TAFA1: variants seen among roughly 807,000 people sequenced by gnomAD.
The protein encoded by TAFA1 is TAFA chemokine like family member 1.
A neutral mutation model predicts 18.5 loss-of-function variants in TAFA1; 4 were observed. The ratio of observed to expected loss-of-function variants is 0.22; its 90% CI spans 0.11 to 0.49. The LOEUF is 0.49. Ranked by LOEUF, TAFA1 falls within the 20% of genes least tolerant of loss-of-function variation. The probability of loss-of-function intolerance (pLI) is 0.98; values close to 1 mark genes in which losing one functional copy is unlikely to be tolerated. For synonymous variants in TAFA1, 56 were observed against 55.2 expected, an observed-to-expected ratio of 1.01 and a Z score of -0.06; for missense variants, 147 against 169.0, an observed-to-expected ratio of 0.87 and a Z score of 0.72.
chr3:68,326,988 T>C (rs1342366706), intron 2 of TAFA1, among the ~76,000 whole-genome samples: 4 of 152,184 alleles, frequency 2.6e-5, no homozygotes, highest in African/African-American at 4.8e-5. Context: ...TCCAAGTTGT[T>C]ATGGGAGGGA....
At chr3:68,099,582 G>C (rs1409857460) in intron 2 of TAFA1, among the ~76,000 whole-genome samples, 6 of 152,228 alleles carry the variant, frequency 3.9e-5, no homozygotes, top group Admixed American at 2.6e-4. Context: ...GTGGAATGCT[G>C]TTTGGCAATT....
chr3:68,381,667 T>G (rs1318061386), intron 2 of TAFA1, among the ~76,000 whole-genome samples: 15 of 152,328 alleles, frequency 9.8e-5, no homozygotes, highest in Admixed American at 8.5e-4. Context: ...AAGGAGATTT[T>G]GGGCTGAGAA....
At chr3:68,033,693 A>ATGC (rs1559710691) in intron 2 of TAFA1, among the ~76,000 whole-genome samples, 1 of 152,224 alleles carries the variant, frequency 6.6e-6, no homozygotes, top group Non-Finnish European at 1.5e-5. Flanking sequence ...CATATGAAGT[A>ATGC]TTTTTTAAAG....
intron 3 of TAFA1, among the ~76,000 whole-genome samples, chr3:68,516,185 C>T (rs2072918005): frequency 6.6e-6 from 1 of 152,194 alleles, no homozygotes; most frequent in African/African-American, 2.4e-5. Flanking sequence ...CTCATCCCAA[C>T]CCATCTTGAT....
At chr3:68,348,093 A>G (rs936834899) in intron 2 of TAFA1, among the ~76,000 whole-genome samples, 1 of 152,126 alleles carries the variant, frequency 6.6e-6, no homozygotes, top group Non-Finnish European at 1.5e-5. Flanking sequence ...TCAAGGGGTT[A>G]TTGAAAAGGT....
intron 2 of TAFA1, among the ~76,000 whole-genome samples, chr3:68,045,483 G>T (rs1371184084): frequency 6.6e-6 from 1 of 152,162 alleles, no homozygotes; most frequent in Admixed American, 6.6e-5. Context: ...GTCAGGAAAT[G>T]TGGGCTCTTC....
At chr3:68,426,246 A>G (rs960696959) in intron 3 of TAFA1, among the ~76,000 whole-genome samples, 21 of 152,076 alleles carry the variant, frequency 1.4e-4, no homozygotes, top group Admixed American at 7.2e-4. Flanking sequence ...CAAAGAAAGG[A>G]TAAAAATTAA....
At chr3:68,181,462 A>T (rs2106986323) in intron 2 of TAFA1, among the ~76,000 whole-genome samples, 1 of 152,276 alleles carries the variant, frequency 6.6e-6, no homozygotes, top group African/African-American at 2.4e-5. Context: ...TTTTGGTCTA[A>T]TAACTGATGT....
intron 2 of TAFA1, among the ~76,000 whole-genome samples, chr3:68,177,283 T>A (rs774617730): frequency 7.2e-5 from 11 of 152,106 alleles, no homozygotes; most frequent in Non-Finnish European, 8.8e-5. Flanking sequence ...AATTGGTAAA[T>A]CAACATTAAT....
At chr3:68,362,226 C>T (rs548197105) in intron 2 of TAFA1, among the ~76,000 whole-genome samples, 51 of 152,190 alleles carry the variant, frequency 3.4e-4, no homozygotes, top group African/African-American at 1.2e-3. Context: ...ATGATTTGTG[C>T]TACAGGCCTA....
intron 2 of TAFA1, among the ~76,000 whole-genome samples, chr3:68,155,250 A>T (rs73834859): frequency 6.6e-6 from 1 of 152,262 alleles, no homozygotes. Flanking sequence ...GCAGTGCCTG[A>T]TCAGTGGGGA....
At chr3:68,461,620 C>T (rs1244123772) in intron 3 of TAFA1, among the ~76,000 whole-genome samples, 1 of 151,332 alleles carries the variant, frequency 6.6e-6, no homozygotes, top group Admixed American at 6.6e-5. Flanking sequence ...AGAACCCAAG[C>T]CTACCACAAC....
intron 4 of TAFA1, among the ~76,000 whole-genome samples, chr3:68,539,689 G>GC (rs1559711696): frequency 1.8e-4 from 1 of 5,464 alleles, no homozygotes; most frequent in East Asian, 3.4e-3. Flanking sequence ...GGGGGGGCAT[G>GC]GGGTGGGTGG....
chr3:68,146,285 G>A (rs1229582434), intron 2 of TAFA1, among the ~76,000 whole-genome samples: 1 of 152,210 alleles, frequency 6.6e-6, no homozygotes, highest in Non-Finnish European at 1.5e-5. Context: ...GTTGAGGCTG[G>A]CGTAGGGACC....
chr3:68,263,609 G>C (rs1009202572), intron 2 of TAFA1, among the ~76,000 whole-genome samples: 1 of 151,154 alleles, frequency 6.6e-6, no homozygotes, highest in Non-Finnish European at 1.5e-5. Flanking sequence ...ATGAAGCTGA[G>C]AGAGGCTGGG....
At chr3:68,203,884 T>A (rs1249199644) in intron 2 of TAFA1, among the ~76,000 whole-genome samples, 1 of 151,652 alleles carries the variant, frequency 6.6e-6, no homozygotes, top group Non-Finnish European at 1.5e-5. Context: ...ACCAGGAGAT[T>A]TCTCCAATAT....
At chr3:68,497,598 G>A (rs531209689) in intron 3 of TAFA1, among the ~76,000 whole-genome samples, 1 of 152,242 alleles carries the variant, frequency 6.6e-6, no homozygotes, top group East Asian at 1.9e-4. Context: ...GAAACAGCCT[G>A]GTTCCTTCCA....
chr3:68,154,019 G>A (rs1444119985), intron 2 of TAFA1, among the ~76,000 whole-genome samples: 3 of 152,110 alleles, frequency 2.0e-5, no homozygotes, highest in Admixed American at 1.3e-4. Context: ...ATTAATGCTA[G>A]CCAGCTTAAT....
Position 68,431,851 on chromosome 3 carries a change from C to T in TAFA1, c.259+14431C>T, listed in dbSNP as rs58983555. 1.6e-3 allele frequency among the ~76,000 whole-genome samples: 249 copies of T among 151,974 alleles called. 1 individual carries two copies. The highest frequency in any genetic ancestry group is 5.6e-3 in the African/African-American group (234 of 41,498). On this transcript the variant is annotated intron_variant, in intron 3 of 4. Coordinates refer to ENST00000478136, the MANE Select transcript of TAFA1 (RefSeq NM_213609.4). ...GACTCACGTCTTAAGAGCCGAGCTC[C>T]CCGAAAAAGAAATTCCTAGCCCTTT...
Sources: gnomAD v4.1 joint callset for allele counts (sites outside exome capture counted in the v4.1 genomes callset) on GRCh38, gnomAD v4.1.1 for gene constraint, MANE v1.5 for transcripts, NCBI Gene and HGNC (gene_info 2026-07-23, HGNC 2026-07-21) for gene names.